Variants in TNFAIP8 observed in about 807,000 individuals in gnomAD.
The protein encoded by TNFAIP8 is tumor necrosis factor alpha-induced protein 8.
Under a neutral mutation model 13.3 loss-of-function variants are expected in TNFAIP8, and 7 were observed. The observed-to-expected ratio is 0.52, with a 90% CI of 0.30 to 0.99. The LOEUF (loss-of-function observed/expected upper bound fraction) is 0.99. Among genes scored for constraint, TNFAIP8 ranks in the 50% least tolerant of loss-of-function variants. The probability of loss-of-function intolerance (pLI) is 0.07; values close to 1 mark genes in which losing one functional copy is unlikely to be tolerated. For missense variants in TNFAIP8, 258 were observed against 236.9 expected, an observed-to-expected ratio of 1.09 and a Z score of -0.58; for synonymous variants, 94 against 87.6, an observed-to-expected ratio of 1.07 and a Z score of -0.41.
At chr5:119,305,687 T>C (rs1339194257) in intron 1 of TNFAIP8, among the ~76,000 whole-genome samples, 1 of 152,156 alleles carries the variant, frequency 6.6e-6, no homozygotes, top group East Asian at 1.9e-4. Context: ...TTTATAAAGG[T>C]TATCTAAATT....
intron 1 of TNFAIP8, among the ~76,000 whole-genome samples, chr5:119,378,031 G>A (rs187501410): frequency 1.3e-5 from 2 of 152,312 alleles, no homozygotes; most frequent in East Asian, 1.9e-4. Context: ...ATATGAGAAC[G>A]TGGGCCCATT....
intron 1 of TNFAIP8, among the ~76,000 whole-genome samples, chr5:119,390,940 T>A (rs191396173): frequency 6.6e-6 from 1 of 151,036 alleles, no homozygotes; most frequent in East Asian, 1.9e-4. Flanking sequence ...CACCTCCAAC[T>A]CCCTAGTAAC....
chr5:119,276,331 T>A (rs1357111775), intron 1 of TNFAIP8, among the ~76,000 whole-genome samples: 4 of 152,154 alleles, frequency 2.6e-5, no homozygotes, highest in Non-Finnish European at 5.9e-5. Context: ...TTGGCCAGGC[T>A]GGTCTCGAAC....
chr5:119,333,320 C>T (rs1750442186), intron 1 of TNFAIP8: 2 of 1,234,920 alleles, frequency 1.6e-6, no homozygotes, highest in Non-Finnish European at 1.0e-6. Context: ...TAAAGGCTAC[C>T]TAATGCATTC....
chr5:119,295,224 ACG>A (rs1561987428), intron 1 of TNFAIP8, among the ~76,000 whole-genome samples: 2 of 48,590 alleles, frequency 4.1e-5, no homozygotes, highest in South Asian at 4.6e-4. Context: ...GTTTAGTCTA[ACG>A]TTAGACCTAT....
Position 119,397,149 on chromosome 5 carries a change from AC to A in TNFAIP8, c.*3769del, listed in dbSNP as rs1404481284. 93 of 151,988 alleles carry A rather than the reference AC, an allele frequency of 6.1e-4. No homozygotes were observed. The highest frequency in any genetic ancestry group is 2.2e-3 in the African/African-American group (90 of 41,466). The allele number at this position is 151,988 out of a possible 1,614,324, so 9.4% of individuals were successfully genotyped here. On this transcript the variant is annotated 3_prime_UTR_variant, in exon 2 of 2. Coordinates refer to ENST00000504771, the MANE Select transcript of TNFAIP8 (RefSeq NM_014350.4). ...AATACACACACACACACACACACACACACAATTTTTAAGCCCCCAAAGGCTT... is the reference window on the plus strand; with the variant it reads ...AATACACACACACACACACACACACAACAATTTTTAAGCCCCCAAAGGCTT...
At chr5:119,331,052 C>T (rs998881936) in intron 1 of TNFAIP8, among the ~76,000 whole-genome samples, 1 of 152,114 alleles carries the variant, frequency 6.6e-6, no homozygotes, top group Admixed American at 6.5e-5. Flanking sequence ...CCAGGCAGGG[C>T]TCCTAGGGCT....
chr5:119,268,886 C>G, exon 1 of TNFAIP8: 1 of 702,028 alleles, frequency 1.4e-6, no homozygotes, highest in Non-Finnish European at 2.6e-6. Context: ...AGCGTCCCGG[C>G]GCCGTCGCGC....
chr5:119,372,286 T>C lies in TNFAIP8; in HGVS notation c.31+16165T>C, dbSNP rs1309749279. ...TTGTGGTGAGCAGAGATCGTGCCAC[T>C]TCACTCCAGCTTAGCAACAGAGTGA... On this transcript the variant is annotated intron_variant, in intron 1 of 1. Transcript: ENST00000504771. 4.1e-5 allele frequency among the ~76,000 whole-genome samples: 6 copies of C among 148,082 alleles called. No homozygotes were observed. In the East Asian group the frequency reaches 1.2e-3, roughly 29 times the overall value.
At chr5:119,383,302 G>C (rs114097931) in intron 1 of TNFAIP8, among the ~76,000 whole-genome samples, 1 of 152,196 alleles carries the variant, frequency 6.6e-6, no homozygotes, top group Non-Finnish European at 1.5e-5. Context: ...GTCAGTCACA[G>C]ATCTGTTGTC....
intron 1 of TNFAIP8, among the ~76,000 whole-genome samples, chr5:119,300,932 A>G (rs1434824643): frequency 1.3e-5 from 2 of 152,080 alleles, no homozygotes; most frequent in Non-Finnish European, 2.9e-5. Context: ...AGTTAAAGGC[A>G]GTGACCATCT....
chr5:119,293,653 A>C (rs1164313477), intron 1 of TNFAIP8, among the ~76,000 whole-genome samples: 1 of 152,210 alleles, frequency 6.6e-6, no homozygotes, highest in Non-Finnish European at 1.5e-5. Flanking sequence ...ACATTTACTA[A>C]AAATCATTTA....
chr5:119,301,565 T>C (rs1484756719), intron 1 of TNFAIP8, among the ~76,000 whole-genome samples: 1 of 152,246 alleles, frequency 6.6e-6, no homozygotes, highest in African/African-American at 2.4e-5. Context: ...CTGGAGACAT[T>C]GGAGTCCCAT....
chr5:119,314,898 A>T (rs985557068), intron 1 of TNFAIP8, among the ~76,000 whole-genome samples: 9 of 151,706 alleles, frequency 5.9e-5, no homozygotes, highest in African/African-American at 1.5e-4. Flanking sequence ...CCAATTATTT[A>T]TTTTTTTTCA....
rs567789851 is a variant in TNFAIP8 at position 119,269,719 on chromosome 5, AGT to A, written c.1+813_1+814del. Among the ~76,000 whole-genome samples, 67 of 152,354 alleles carry A rather than the reference AGT, an allele frequency of 4.4e-4. 2 individuals carry two copies. In the South Asian group the frequency reaches 0.014, roughly 32 times the overall value. ...GGAATCATGGAAGGAATCAAACAGTAGTTCAGTGCCCAGTGTTGAAACAAGAA... is the reference window on the plus strand; with the variant it reads ...GGAATCATGGAAGGAATCAAACAGTATCAGTGCCCAGTGTTGAAACAAGAA... On this transcript the variant is annotated intron_variant, in intron 1 of 1. Transcript: ENST00000274456.
intron 1 of TNFAIP8, chr5:119,268,952 G>T: frequency 1.5e-6 from 1 of 672,820 alleles, no homozygotes; most frequent in Non-Finnish European, 2.7e-6. Flanking sequence ...ACTCCAGCGC[G>T]CCTCTCCCGC....
intron 1 of TNFAIP8, among the ~76,000 whole-genome samples, chr5:119,364,778 G>A (rs77321319): frequency 0.018 from 2,645 of 151,108 alleles, 75 homozygotes; most frequent in African/African-American, 0.061. Flanking sequence ...GAAAGCTTTG[G>A]CCACTCAAAA....
intron 1 of TNFAIP8, among the ~76,000 whole-genome samples, chr5:119,308,618 A>G (rs764287834): frequency 3.1e-4 from 47 of 151,940 alleles, no homozygotes; most frequent in Non-Finnish European, 6.2e-4. Flanking sequence ...GTAATCCACC[A>G]CTTTGGGAGG....
chr5:119,340,521 T>G (rs1258845684), intron 1 of TNFAIP8, among the ~76,000 whole-genome samples: 1 of 152,214 alleles, frequency 6.6e-6, no homozygotes, highest in Non-Finnish European at 1.5e-5. Flanking sequence ...ACTCACCATA[T>G]CAACTTGCTG....
Sources: gnomAD v4.1 joint callset for allele counts (sites outside exome capture counted in the v4.1 genomes callset) on GRCh38, gnomAD v4.1.1 for gene constraint, MANE v1.5 for transcripts, NCBI Gene and HGNC (gene_info 2026-07-23, HGNC 2026-07-21) for gene names.